TMPRSS6: variants seen among roughly 807,000 people sequenced by gnomAD.
The protein encoded by TMPRSS6 is transmembrane serine protease 6.
TMPRSS6 carries 67 observed loss-of-function variants against 101.5 expected under a neutral mutation model. That is an observed-to-expected ratio of 0.66 (90% CI 0.54 to 0.81). The LOEUF is 0.81. Ranked by LOEUF, TMPRSS6 falls within the 30% of genes least tolerant of loss-of-function variation. The pLI is 0.00. For missense variants in TMPRSS6, 1,034 were observed against 1,088.7 expected, an observed-to-expected ratio of 0.95 and a Z score of 0.71; for synonymous variants, 453 against 464.9, an observed-to-expected ratio of 0.97 and a Z score of 0.33.
Position 37,069,292 on chromosome 22 carries a change from A to T in TMPRSS6, c.1894T>A (p.Ser632Thr). ...TVFLGKVWQN[S>T]RWPGEVSFKV... Reference sequence around the variant, plus strand: ...AAGGACACCTCTCCAGGCCAGCGCGAGTTCTGCCACACCTTGCCCAGGAAC... The same window carrying T: ...AAGGACACCTCTCCAGGCCAGCGCGTGTTCTGCCACACCTTGCCCAGGAAC... The change falls in exon 16 of 18, where the codon TCG (serine) becomes ACG (threonine). Residue 632 changes from serine to threonine, a missense_variant. By Grantham distance (58) the Ser-to-Thr change is moderately conservative (BLOSUM62 1). Transcript: ENST00000676104. The surrounding 1 kb of genome is among the most constrained non-coding windows in gnomAD (Gnocchi z 4.8). The T allele has an allele frequency of 1.5e-6, 2 of 1,365,434 alleles. No individual in the cohort carries two copies. The highest frequency in any genetic ancestry group is 1.9e-6 in the Non-Finnish European group (2 of 1,028,584). 84.6% of individuals were successfully genotyped at this position (1,365,434 alleles called of 1,614,324 possible). A position where few individuals can be genotyped will look rare whatever the true frequency, so the allele number is the denominator to read the frequency against.
At chr22:37,073,398 G>C in intron 13 of TMPRSS6, 134 bp downstream of exon 13, 1 of 630,102 alleles carries the variant, frequency 1.6e-6, no homozygotes, top group South Asian at 1.8e-5. Context: ...ATGGATGAAT[G>C]GACAGACATA....
intron 16 of TMPRSS6, 84 bp from the exon 17 acceptor site, chr22:37,067,046 T>C: frequency 1.3e-6 from 2 of 1,594,030 alleles, no homozygotes; most frequent in Non-Finnish European, 1.7e-6. Context: ...TCCCTTTGCA[T>C]CTCAGGAGCC....
At chr22:37,081,981 A>C (rs1017410312) in intron 10 of TMPRSS6, among the ~76,000 whole-genome samples, 3 of 152,208 alleles carry the variant, frequency 2.0e-5, no homozygotes, top group Non-Finnish European at 2.9e-5. Context: ...TCCGTGTTCC[A>C]CACTCTCTCT....
chr22:37,097,477 C>G (rs926135046), intron 3 of TMPRSS6, among the ~76,000 whole-genome samples: 2 of 152,236 alleles, frequency 1.3e-5, no homozygotes, highest in Non-Finnish European at 2.9e-5. Context: ...CCTGCCAGGG[C>G]CAAAGAAGCT....
At position 37,086,280 on chromosome 22, in the gene TMPRSS6, CA is replaced by C. The variant is rs774176149; in HGVS notation, c.973+2del. ...CCTGCCCCAGGGACCCCTGACCTCT[CA>C]CCCTGGAAGACCACCGGCTGCACGG... On this transcript the variant is annotated splice_donor_variant, in intron 8 of 17. Transcript: ENST00000676104. LOFTEE classifies it high-confidence loss of function. 6.2e-7 allele frequency: 1 copy of C among 1,614,074 alleles called. No individual in the cohort carries two copies. The highest frequency in any genetic ancestry group is 8.5e-7 in the Non-Finnish European group (1 of 1,179,988).
chr22:37,065,964 C>T lies in TMPRSS6; in HGVS notation c.*116G>A. 1 of 1,393,654 alleles carries T rather than the reference C, an allele frequency of 7.2e-7. No homozygotes were observed. The highest frequency in any genetic ancestry group is 1.2e-5 in the South Asian group (1 of 82,944). 86.3% of individuals were successfully genotyped at this position (1,393,654 alleles called of 1,614,324 possible). ...CGAGACAAGATGCCACCTCCTGCCACCACAGGGCCTGCTCTCTCCCCCACC... is the reference window on the plus strand; with the variant it reads ...CGAGACAAGATGCCACCTCCTGCCATCACAGGGCCTGCTCTCTCCCCCACC... On this transcript the variant is annotated 3_prime_UTR_variant, in exon 18 of 18. Coordinates refer to ENST00000676104, the MANE Select transcript of TMPRSS6 (RefSeq NM_001374504.1).
chr22:37,088,160 T>C (rs1454996799), intron 7 of TMPRSS6, among the ~76,000 whole-genome samples: 1 of 152,006 alleles, frequency 6.6e-6, no homozygotes, highest in Non-Finnish European at 1.5e-5. Context: ...TCCCCACCCT[T>C]TTTGGACCTG....
At position 37,067,696 on chromosome 22, in the gene TMPRSS6, G is replaced by A. The variant is rs532979950; in HGVS notation, c.2114-734C>T. On this transcript the variant is annotated intron_variant, in intron 16 of 17. Transcript: ENST00000676104. ...GCAGTCTGCCCTAGCGCTTCTCCAC[G>A]AGGGCTGCATATCACAGTCCCCCGG... 1.9e-3 allele frequency among the ~76,000 whole-genome samples: 296 copies of A among 152,238 alleles called. 2 individuals are homozygous for A. Among genetic ancestry groups the A allele is most frequent in the Non-Finnish European group, 3.6e-3 (245 of 68,014 alleles).
intron 1 of TMPRSS6, among the ~76,000 whole-genome samples, chr22:37,105,431 C>T (rs1342321953): frequency 6.6e-6 from 1 of 152,226 alleles, no homozygotes; most frequent in Admixed American, 6.5e-5. Flanking sequence ...GAGAAACAGG[C>T]AAGAAACAGA....
chr22:37,079,802 T>G (rs1928117070), intron 10 of TMPRSS6, among the ~76,000 whole-genome samples: 2 of 152,234 alleles, frequency 1.3e-5, no homozygotes, highest in Admixed American at 6.5e-5. Flanking sequence ...TGTGAGCTCA[T>G]GGAGGAAGCA....
chr22:37,071,963 A>C (rs890442288), intron 13 of TMPRSS6, among the ~76,000 whole-genome samples: 1 of 149,352 alleles, frequency 6.7e-6, no homozygotes, highest in East Asian at 2.0e-4. Flanking sequence ...TGGATGATGG[A>C]TGGATGATGG....
intron 6 of TMPRSS6, among the ~76,000 whole-genome samples, chr22:37,090,936 G>C (rs1929206722): frequency 6.6e-6 from 1 of 152,150 alleles, no homozygotes; most frequent in African/African-American, 2.4e-5. Flanking sequence ...CTGAGGCTCA[G>C]ACCTAGCCCA....
chr22:37,083,728 G>A lies in TMPRSS6; in HGVS notation c.1196+567C>T, dbSNP rs186766001. On this transcript the variant is annotated intron_variant, in intron 10 of 17. Coordinates refer to ENST00000676104, the MANE Select transcript of TMPRSS6 (RefSeq NM_001374504.1). ...CTCTGTAAGGACTCACTTCTTTGTC[G>A]GAAACTTAGTTACCAGAGGGAGCAA... is the stretch of plus-strand genomic sequence containing the variant. 1.1e-3 allele frequency among the ~76,000 whole-genome samples: 170 copies of A among 152,310 alleles called. 1 individual carries two copies. Among genetic ancestry groups the A allele is most frequent in the African/African-American group, 2.8e-3 (117 of 41,570 alleles).
chr22:37,065,781 A>C lies in TMPRSS6; in HGVS notation c.*299T>G, dbSNP rs1181238864. 2.1e-6 allele frequency: 1 copy of C among 467,160 alleles called. No individual in the cohort carries two copies. Among genetic ancestry groups the C allele is most frequent in the Non-Finnish European group, 3.9e-6 (1 of 253,638 alleles). 28.9% of individuals were successfully genotyped at this position (467,160 alleles called of 1,614,324 possible). ...GAACCAGCATTCTTGCTGCTGAGCC[A>C]CTGCCTTGCATTAGGCAGCAGTGGA... On this transcript the variant is annotated 3_prime_UTR_variant, in exon 18 of 18. Transcript: ENST00000676104.
chr22:37,109,989 G>A (rs1930965725), upstream of TMPRSS6, among the ~76,000 whole-genome samples: 1 of 152,128 alleles, frequency 6.6e-6, no homozygotes, highest in African/African-American at 2.4e-5. Flanking sequence ...ACCTGGACAG[G>A]CGAGACTAAA....
intron 1 of TMPRSS6, among the ~76,000 whole-genome samples, chr22:37,104,725 C>T (rs1477590283): frequency 6.6e-6 from 1 of 152,198 alleles, no homozygotes; most frequent in Non-Finnish European, 1.5e-5. Flanking sequence ...CTTTGGGAGG[C>T]TGAGGTGAGT....
At chr22:37,093,379 TC>T in intron 6 of TMPRSS6, among the ~76,000 whole-genome samples, 1 of 138,064 alleles carries the variant, frequency 7.2e-6, no homozygotes, top group African/African-American at 2.8e-5. Context: ...TTCCTTTCTT[TC>T]TTTCTTTTTT....
At chr22:37,102,535 TGAAC>T (rs1267852559) in intron 2 of TMPRSS6, among the ~76,000 whole-genome samples, 1 of 152,164 alleles carries the variant, frequency 6.6e-6, no homozygotes, top group East Asian at 1.9e-4. Flanking sequence ...CATGAATGAA[TGAAC>T]GGAGGCCTGG....
At chr22:37,090,098 G>A (rs1929133239) in intron 6 of TMPRSS6, among the ~76,000 whole-genome samples, 2 of 152,252 alleles carry the variant, frequency 1.3e-5, no homozygotes, top group Admixed American at 1.3e-4. Context: ...CACAGAACAG[G>A]CAAGAATAGC....
Sources: allele counts gnomAD v4.1 joint callset (sites outside exome capture counted in the v4.1 genomes callset), GRCh38; gene constraint gnomAD v4.1.1; non-coding constraint Gnocchi (gnomAD v3.1); transcripts MANE v1.5; gene names NCBI Gene and HGNC (gene_info 2026-07-23, HGNC 2026-07-21).